The following KCNH7 variants were observed in gnomAD, a reference collection of about 807,000 sequenced individuals.
KCNH7 encodes voltage-gated inwardly rectifying potassium channel KCNH7.
Under a neutral mutation model 120.8 loss-of-function variants are expected in KCNH7, and 49 were observed. The ratio of observed to expected loss-of-function variants is 0.41; its 90% CI spans 0.32 to 0.51. KCNH7 has a LOEUF of 0.51. Among genes scored for constraint, KCNH7 ranks in the 20% least tolerant of loss-of-function variants. KCNH7 has a pLI of 0.38. For missense variants in KCNH7, 1,097 were observed against 1,446.6 expected (o/e 0.76, Z 3.92); for synonymous variants, 547 against 516.1 (o/e 1.06, Z -0.81).
At chr2:162,659,210 TG>T in intron 2 of KCNH7, among the ~76,000 whole-genome samples, 1 of 152,222 alleles carries the variant, frequency 6.6e-6, no homozygotes. Flanking sequence ...TCTCTGTATC[TG>T]TTGATTTGAT....
chr2:162,613,473 A>C (rs2105975790), intron 2 of KCNH7, among the ~76,000 whole-genome samples: 1 of 152,190 alleles, frequency 6.6e-6, no homozygotes, highest in Non-Finnish European at 1.5e-5. Context: ...TTAGTTACTA[A>C]GAATAAAATT....
At chr2:162,735,993 C>T (rs1338545744) in intron 2 of KCNH7, among the ~76,000 whole-genome samples, 1 of 152,084 alleles carries the variant, frequency 6.6e-6, no homozygotes, top group Non-Finnish European at 1.5e-5. Flanking sequence ...AATGACTTGA[C>T]CATGAATGGA....
intron 2 of KCNH7, among the ~76,000 whole-genome samples, chr2:162,792,484 T>A (rs1235291895): frequency 6.6e-6 from 1 of 152,070 alleles, no homozygotes; most frequent in Non-Finnish European, 1.5e-5. Flanking sequence ...TGTTCAGGGA[T>A]TCGAATTCTT....
chr2:162,564,534 C>G (rs913119443), intron 2 of KCNH7, among the ~76,000 whole-genome samples: 4 of 152,094 alleles, frequency 2.6e-5, no homozygotes, highest in African/African-American at 7.2e-5. Flanking sequence ...TTGATCTGTT[C>G]TGCTTTTCTT....
intron 6 of KCNH7, among the ~76,000 whole-genome samples, chr2:162,487,539 A>G (rs73020655): frequency 2.2e-3 from 336 of 152,252 alleles, no homozygotes; most frequent in African/African-American, 7.8e-3. Context: ...AAATTTTGAG[A>G]AACCCTGAGG....
At position 162,468,393 on chromosome 2, in the gene KCNH7, T is replaced by G. The variant is rs141411281; in HGVS notation, c.1129-21950A>C. Among the ~76,000 whole-genome samples the G allele has an allele frequency of 1.2e-4, 19 of 152,208 alleles. 1 individual carries two copies. In the East Asian group the frequency reaches 3.7e-3, roughly 29 times the overall value. On this transcript the variant is annotated intron_variant, in intron 6 of 15. Coordinates refer to ENST00000332142, the MANE Select transcript of KCNH7 (RefSeq NM_033272.4). ...AGAAAAAACAAATGAAATTTGCTTATGATCTAATTTCCAGGTTGTTACCTC... is the reference window on the plus strand; with the variant it reads ...AGAAAAAACAAATGAAATTTGCTTAGGATCTAATTTCCAGGTTGTTACCTC...
intron 6 of KCNH7, among the ~76,000 whole-genome samples, chr2:162,484,626 C>A (rs894365427): frequency 1.3e-5 from 2 of 152,002 alleles, no homozygotes; most frequent in African/African-American, 4.8e-5. Flanking sequence ...GATATTTGTC[C>A]CCCTAAAATT....
At chr2:162,469,008 AT>A (rs1689403637) in intron 6 of KCNH7, among the ~76,000 whole-genome samples, 1 of 152,092 alleles carries the variant, frequency 6.6e-6, no homozygotes, top group East Asian at 1.9e-4. Flanking sequence ...ATACCACCAC[AT>A]CTGCCTAATT....
rs551931380 is a variant in KCNH7, at chr2:162,677,647, T to C, written c.308-140567A>G. 9.2e-5 allele frequency among the ~76,000 whole-genome samples: 14 copies of C among 151,650 alleles called. No individual in the cohort carries two copies. The South Asian group carries it at 2.9e-3, about 31-fold the overall frequency. On this transcript the variant is annotated intron_variant, in intron 2 of 15. Transcript: ENST00000332142. ...AATAATGCTTATATAAACACTCTTG[T>C]AGTTTCTTTTGGCAGACATATTATG...
chr2:162,586,858 T>G (rs572689568), intron 2 of KCNH7, among the ~76,000 whole-genome samples: 7 of 152,192 alleles, frequency 4.6e-5, no homozygotes, highest in Admixed American at 4.6e-4. Flanking sequence ...TATGTCAACT[T>G]TACATGTAAA....
intron 4 of KCNH7, among the ~76,000 whole-genome samples, chr2:162,516,301 C>A (rs148403405): frequency 6.6e-6 from 1 of 151,692 alleles, no homozygotes; most frequent in Non-Finnish European, 1.5e-5. Context: ...TTGGTTTGCA[C>A]ACTCGAGTGT....
intron 2 of KCNH7, among the ~76,000 whole-genome samples, chr2:162,566,332 G>A (rs148073388): frequency 7.2e-4 from 109 of 151,810 alleles, no homozygotes; most frequent in African/African-American, 2.6e-3. Flanking sequence ...AATATTATTT[G>A]GGGATAGCAT....
intron 2 of KCNH7, among the ~76,000 whole-genome samples, chr2:162,668,771 A>G (rs907742389): frequency 1.3e-5 from 2 of 152,192 alleles, no homozygotes; most frequent in African/African-American, 4.8e-5. Flanking sequence ...TATTTTAAGT[A>G]TTGGGATGAC....
At chr2:162,500,696 G>T (rs1454693167) in intron 6 of KCNH7, among the ~76,000 whole-genome samples, 5 of 151,824 alleles carry the variant, frequency 3.3e-5, no homozygotes, top group Admixed American at 1.3e-4. Context: ...GACTTCTTTT[G>T]AAGAAAGAAA....
At chr2:162,496,444 C>T (rs1359349355) in intron 6 of KCNH7, among the ~76,000 whole-genome samples, 1 of 152,102 alleles carries the variant, frequency 6.6e-6, no homozygotes, top group Non-Finnish European at 1.5e-5. Flanking sequence ...ATGCCTTATA[C>T]AAATATGGAA....
At chr2:162,470,652 C>T (rs1011381011) in intron 6 of KCNH7, among the ~76,000 whole-genome samples, 6 of 151,840 alleles carry the variant, frequency 4.0e-5, no homozygotes, top group Non-Finnish European at 5.9e-5. Context: ...CGGCCAGCCG[C>T]CCCGTCCGGG....
chr2:162,482,305 A>C (rs73971781), intron 6 of KCNH7, among the ~76,000 whole-genome samples: 1,706 of 152,306 alleles, frequency 0.011, 30 homozygotes, highest in African/African-American at 0.039. Context: ...GGACAAGGGG[A>C]GTTTAAAGAA....
chr2:162,469,879 A>G (rs12623882), intron 6 of KCNH7, among the ~76,000 whole-genome samples: 25,266 of 152,048 alleles, frequency 0.17, 2,201 homozygotes, highest in East Asian at 0.26. Flanking sequence ...ACTGGTTTTC[A>G]TATTTTTTTG....
chr2:162,671,391 TG>T (rs1685348522), intron 2 of KCNH7, among the ~76,000 whole-genome samples: 2 of 145,246 alleles, frequency 1.4e-5, no homozygotes, highest in African/African-American at 5.1e-5. Flanking sequence ...AATGAAATCA[TG>T]TTTTTTTTTT....
Sources: allele counts gnomAD v4.1 joint callset (sites outside exome capture counted in the v4.1 genomes callset), GRCh38; gene constraint gnomAD v4.1.1; transcripts MANE v1.5; gene names NCBI Gene and HGNC (gene_info 2026-07-23, HGNC 2026-07-21).